CDK2: variants seen among roughly 807,000 people sequenced by gnomAD.
CDK2 encodes cyclin-dependent kinase 2.
A neutral mutation model predicts 35.0 loss-of-function variants in CDK2; 8 were observed. The ratio of observed to expected loss-of-function variants is 0.23; its 90% CI spans 0.13 to 0.41. The LOEUF (loss-of-function observed/expected upper bound fraction) is 0.41, where lower values mean the gene tolerates loss of function less well. CDK2 is among the 10% of genes least tolerant of loss of function. CDK2 has a pLI of 1.00. For missense variants in CDK2, 201 were observed against 367.1 expected (o/e 0.55, Z 3.70); for synonymous variants, 134 against 137.7 (o/e 0.97, Z 0.19).
chr12:55,970,585 A>T (rs1889447123), intron 5 of CDK2: 2 of 701,210 alleles, frequency 2.9e-6, no homozygotes, highest in Non-Finnish European at 5.2e-6. Flanking sequence ...TTCATCAAAA[A>T]ATATTTGTTA....
In CDK2 at chr12:55,966,863, G is replaced by A; in HGVS notation, c.-146G>A. The stretch of plus-strand genomic sequence containing the variant: ...AAGTTGGCCAAATTGACAAGAGCGA[G>A]AGGTATACTGCGTTCCATCCCGACC... On this transcript the variant is annotated 5_prime_UTR_variant, in exon 1 of 7. Transcript: ENST00000266970. 1.2e-6 allele frequency: 1 copy of A among 840,252 alleles called. No homozygotes were observed. The highest frequency in any genetic ancestry group is 1.8e-6 in the Non-Finnish European group (1 of 554,962). The allele number at this position is 840,252 out of a possible 1,614,324, so 52.0% of individuals were successfully genotyped here. A position where few individuals can be genotyped will look rare whatever the true frequency, so the allele number is the denominator to read the frequency against.
At chr12:55,970,788 C>G (rs1320398665) in intron 5 of CDK2, 2 of 698,192 alleles carry the variant, frequency 2.9e-6, no homozygotes, top group Admixed American at 4.0e-5. Flanking sequence ...GCACCCCAGA[C>G]ATTCACCCCC....
At chr12:55,971,321 G>T in intron 6 of CDK2, 74 bp downstream of exon 6, 3 of 1,450,070 alleles carry the variant, frequency 2.1e-6, no homozygotes, top group Non-Finnish European at 2.9e-6. Context: ...GGAAGGATGA[G>T]ACCCTGAAAT....
chr12:55,969,710 G>A (rs889389601), intron 5 of CDK2, 134 bp downstream of exon 5: 1 of 499,612 alleles, frequency 2.0e-6, no homozygotes, highest in South Asian at 3.3e-5. Context: ...GCACCAAGGG[G>A]AATGGTGGGA....
chr12:55,970,961 G>C (rs771751594), intron 5 of CDK2, 83 bp from the exon 6 acceptor site: 1 of 1,212,066 alleles, frequency 8.3e-7, no homozygotes, highest in South Asian at 1.2e-5. Flanking sequence ...ACCTTTTACT[G>C]TCTGTGGGAA....
At chr12:55,967,263 G>A (rs1230331926) in intron 1 of CDK2, 139 bp downstream of exon 1, 2 of 667,538 alleles carry the variant, frequency 3.0e-6, no homozygotes, top group Non-Finnish European at 2.7e-6. Context: ...GTGGGTTGGG[G>A]GCCAGTAGAA....
rs1889372607 is a variant in CDK2 at position 55,967,846 on chromosome 12, A to T, written c.117-11A>T. 4 of 1,611,838 alleles carry T rather than the reference A, an allele frequency of 2.5e-6. No homozygotes were observed. The highest frequency in any genetic ancestry group is 3.4e-6 in the Non-Finnish European group (4 of 1,178,004). On this transcript the variant is annotated splice_polypyrimidine_tract_variant and intron_variant, in intron 1 of 6. Coordinates refer to ENST00000266970, the MANE Select transcript of CDK2 (RefSeq NM_001798.5). ...CCATATTCCCATCTCTGCTTTCCCA[A>T]CCTCTCCAAGTGAGACTGAGGGTGT... is the stretch of plus-strand genomic sequence containing the variant.
At position 55,971,745 on chromosome 12, in the gene CDK2, C is replaced by A; in HGVS notation, c.*120C>A. 1 of 686,968 alleles carries A rather than the reference C, an allele frequency of 1.5e-6. No homozygotes were observed. Among genetic ancestry groups the A allele is most frequent in the Non-Finnish European group, 2.5e-6 (1 of 392,800 alleles). 42.6% of individuals were successfully genotyped at this position (686,968 alleles called of 1,614,324 possible). A position where few individuals can be genotyped will look rare whatever the true frequency, so the allele number is the denominator to read the frequency against. The stretch of plus-strand genomic sequence containing the variant: ...CTCTGAACTTGCCTTAAACACTCAC[C>A]TTCTAGTCTTGGCCAGCCAACTCTG... On this transcript the variant is annotated 3_prime_UTR_variant, in exon 7 of 7. Transcript: ENST00000266970.
At chr12:55,968,011 C>T in intron 2 of CDK2, 38 bp from the exon 3 acceptor site, 1 of 1,614,014 alleles carries the variant, frequency 6.2e-7, no homozygotes, top group Admixed American at 1.7e-5. Flanking sequence ...ATTTCTCTCT[C>T]TCACACACCT....
At chr12:55,967,997 G>A in intron 2 of CDK2, 52 bp from the exon 3 acceptor site, 1 of 1,613,758 alleles carries the variant, frequency 6.2e-7, no homozygotes, top group Non-Finnish European at 8.5e-7. Context: ...TGTACAGTGT[G>A]GGCATTTCTC....
chr12:55,968,683 A>G (rs1318465162), intron 3 of CDK2, 95 bp from the exon 4 acceptor site: 4 of 911,700 alleles, frequency 4.4e-6, no homozygotes, highest in African/African-American at 3.4e-5. Flanking sequence ...ATAATCCAAC[A>G]TAATAAAGGC....
At position 55,969,465 on chromosome 12, in the gene CDK2, C is replaced by T. The variant is rs377191803; in HGVS notation, c.487-10C>T. 38 of 1,551,926 alleles carry T rather than the reference C, an allele frequency of 2.4e-5. No individual in the cohort carries two copies. Among genetic ancestry groups the T allele is most frequent in the East Asian group, 9.1e-5 (4 of 43,720 alleles). On this transcript the variant is annotated splice_polypyrimidine_tract_variant and intron_variant, in intron 4 of 6. Coordinates refer to ENST00000266970, the MANE Select transcript of CDK2 (RefSeq NM_001798.5). ...AAACCACCCCGCCCCTCCCTATTCC[C>T]GTCCCTCAGGTGGTGACCCTGTGGT...
At position 55,968,803 on chromosome 12, in the gene CDK2, G is replaced by A; in HGVS notation, c.341G>A (p.Gly114Asp). The A allele has an allele frequency of 6.2e-7, 1 of 1,604,804 alleles. No individual in the cohort carries two copies. The highest frequency in any genetic ancestry group is 2.2e-5 in the East Asian group (1 of 44,600). Reference sequence around the variant, plus strand: ...AGCTATCTGTTCCAGCTGCTCCAGGGCCTAGCTTTCTGCCATTCTCATCGG... The same window carrying A: ...AGCTATCTGTTCCAGCTGCTCCAGGACCTAGCTTTCTGCCATTCTCATCGG... ...IKSYLFQLLQ[G>D]LAFCHSHRVL... Residue 114 changes from glycine (G) to aspartate (D), a missense_variant, in exon 4 of 7, where the codon GGC becomes GAC. By Grantham distance (94) the Gly-to-Asp change is moderately conservative. Transcript: ENST00000266970.
At chr12:55,968,754 A>C in intron 3 of CDK2, 24 bp from the exon 4 acceptor site, 1 of 1,565,364 alleles carries the variant, frequency 6.4e-7, no homozygotes. Flanking sequence ...GGAGAAACAC[A>C]GTCCTCTCTT....
chr12:55,970,791 T>A (rs1007192310), intron 5 of CDK2: 1 of 698,110 alleles, frequency 1.4e-6, no homozygotes, highest in Non-Finnish European at 2.6e-6. Flanking sequence ...CCCCAGACAT[T>A]CACCCCCTCC....
rs914438462 is a variant in CDK2, at chr12:55,967,418, T to C, written c.116+294T>C. On this transcript the variant is annotated intron_variant, in intron 1 of 6. Transcript: ENST00000266970. ...GAGAAAGGAGGTCTCTGAGATGAGG[T>C]CCAAGACTCTCCATGGAGTGGAGTT... 1.7e-5 allele frequency: 8 copies of C among 475,928 alleles called. No individual in the cohort carries two copies. The South Asian group carries it at 2.0e-4, about 12-fold the overall frequency. The allele number at this position is 475,928 out of a possible 1,614,324, so 29.5% of individuals were successfully genotyped here. A position where few individuals can be genotyped will look rare whatever the true frequency, so the allele number is the denominator to read the frequency against.
rs766939969 is a variant in CDK2, at chr12:55,969,582, G to T, written c.588+6G>T. The T allele has an allele frequency of 8.9e-6, 14 of 1,572,274 alleles. No homozygotes were observed. The highest frequency in any genetic ancestry group is 1.2e-5 in the Non-Finnish European group (14 of 1,149,054). ...GCTGCATCTTTGCTGAGATGGTATG[G>T]AGGCTTGCCCAAGTTCCACCCAGCC... On this transcript the variant is annotated splice_donor_region_variant and intron_variant, in intron 5 of 6. Transcript: ENST00000266970.
chr12:55,970,722 C>T, intron 5 of CDK2: 1 of 701,914 alleles, frequency 1.4e-6, no homozygotes, highest in Non-Finnish European at 2.6e-6. Flanking sequence ...GGGATGACCG[C>T]AGTGTCTACC....
intron 1 of CDK2, 79 bp downstream of exon 1, chr12:55,967,203 CGT>C: frequency 9.5e-7 from 1 of 1,048,874 alleles, no homozygotes; most frequent in Non-Finnish European, 1.4e-6. Flanking sequence ...GGCGGGTAGC[CGT>C]CCAGGGACCG....
Sources: gnomAD v4.1 joint callset for allele counts on GRCh38, gnomAD v4.1.1 for gene constraint, MANE v1.5 for transcripts, NCBI Gene and HGNC (gene_info 2026-07-23, HGNC 2026-07-21) for gene names.